MUTYH: variants seen among roughly 807,000 people sequenced by gnomAD.
MUTYH encodes mutY DNA glycosylase, also known as adenine DNA glycosylase.
A neutral mutation model predicts 72.9 loss-of-function variants in MUTYH; 64 were observed. The observed-to-expected ratio is 0.88, with a 90% CI of 0.72 to 1.08. The LOEUF is 1.08. MUTYH is among the 50% of genes least tolerant of loss of function. The pLI is 0.00. For synonymous variants in MUTYH, 234 were observed against 263.1 expected, an observed-to-expected ratio of 0.89 and a Z score of 1.07; for missense variants, 633 against 671.0, an observed-to-expected ratio of 0.94 and a Z score of 0.63.
intron 1 of MUTYH, 74 bp from the exon 2 acceptor site, chr1:45,334,585 C>G: frequency 1.3e-6 from 2 of 1,594,402 alleles, no homozygotes; most frequent in Non-Finnish European, 1.7e-6. Context: ...AGGGTGATAG[C>G]TATCTCCCTC....
chr1:45,333,698 T>A, intron 2 of MUTYH, 137 bp from the exon 3 acceptor site: 1 of 1,307,660 alleles, frequency 7.6e-7, no homozygotes, highest in South Asian at 1.5e-5. Context: ...GGAGCTGGAG[T>A]CAGACCAGAG....
chr1:45,334,257 G>T lies in MUTYH; in HGVS notation c.115+134C>A, dbSNP rs1054221657. ...ACCTGCCTCGGCCTCCCAAAGTGCTGGGATTACAGGTGTGAGCCACCGCAC... is the reference window on the plus strand; with the variant it reads ...ACCTGCCTCGGCCTCCCAAAGTGCTTGGATTACAGGTGTGAGCCACCGCAC... On this transcript the variant is annotated intron_variant, in intron 2 of 15. Coordinates refer to ENST00000456914, the MANE Select transcript of MUTYH (RefSeq NM_001048174.2). The T allele has an allele frequency of 5.1e-6, 7 of 1,370,736 alleles. No homozygotes were observed. In the African/African-American group the frequency reaches 8.6e-5, roughly 17 times the overall value. 84.9% of individuals were successfully genotyped at this position (1,370,736 alleles called of 1,614,324 possible). A position where few individuals can be genotyped will look rare whatever the true frequency, so the allele number is the denominator to read the frequency against.
At position 45,330,536 on chromosome 1, in the gene MUTYH, G is replaced by A. The variant is rs1644624908; in HGVS notation, c.1414C>T (p.Gln472Ter). The A allele has an allele frequency of 6.2e-7, 1 of 1,609,894 alleles. No homozygotes were observed. The highest frequency in any genetic ancestry group is 8.5e-7 in the Non-Finnish European group (1 of 1,177,904). Residue 472 changes from glutamine (Q) to a stop codon, truncating the protein, a stop_gained, in exon 15 of 16, where the codon CAA becomes TAA. Transcript: ENST00000456914. LOFTEE classifies it low-confidence loss of function (END_TRUNC). ...MKKVFRVYQGQQPGTCMGSKR... is the reference protein window; with the variant it reads ...MKKVFRVYQG ...CTTACCATACAGGTCCCTGGCTGTT[G>A]GCCCTGATACACACGGAAAACCTAG...
upstream of MUTYH, chr1:45,340,426 C>T (rs1646855130): frequency 6.6e-6 from 10 of 1,523,980 alleles, no homozygotes; most frequent in Non-Finnish European, 8.8e-6. Context: ...CCTGAACTAG[C>T]CACGAGGAGA....
intron 15 of MUTYH, chr1:45,330,218 G>A (rs1193330264): frequency 6.7e-4 from 213 of 317,552 alleles, no homozygotes; most frequent in Non-Finnish European, 9.7e-4. Flanking sequence ...GGGTGACAGT[G>A]AGACTGTCTC....
chr1:45,336,296 A>G (rs2149206611), intron 1 of MUTYH, among the ~76,000 whole-genome samples: 2 of 152,332 alleles, frequency 1.3e-5, no homozygotes, highest in Admixed American at 1.3e-4. Flanking sequence ...TTAGGCTTGC[A>G]ACATAGCAAG....
rs1264756448 is a variant in MUTYH, at chr1:45,339,959, C to A, written c.-67G>T. Reference sequence around the variant, plus strand: ...AGGCCCCGCGTTCCCGCCGCGAGAGCAGGAGAGAAAGATTACCTCCCGCGA... The same window carrying A: ...AGGCCCCGCGTTCCCGCCGCGAGAGAAGGAGAGAAAGATTACCTCCCGCGA... On this transcript the variant is annotated 5_prime_UTR_variant, in exon 1 of 16. Transcript: ENST00000456914. The A allele has an allele frequency of 1.3e-6, 2 of 1,509,918 alleles. No homozygotes were observed. The highest frequency in any genetic ancestry group is 2.0e-5 in the Admixed American group (1 of 50,358). 93.5% of individuals were successfully genotyped at this position (1,509,918 alleles called of 1,614,324 possible).
intron 1 of MUTYH, chr1:45,339,605 A>C (rs542719516): frequency 2.9e-6 from 1 of 345,848 alleles, no homozygotes; most frequent in East Asian, 8.2e-5. Context: ...CCATACTGCC[A>C]GCCTTAATTC....
rs1645162924 is a variant in MUTYH, at chr1:45,332,700, C to T, written c.493-13G>A. 6.2e-7 allele frequency: 1 copy of T among 1,614,122 alleles called. No homozygotes were observed. Among genetic ancestry groups the T allele is most frequent in the Non-Finnish European group, 8.5e-7 (1 of 1,179,970 alleles). On this transcript the variant is annotated splice_polypyrimidine_tract_variant and intron_variant, in intron 7 of 15. Coordinates refer to ENST00000456914, the MANE Select transcript of MUTYH (RefSeq NM_001048174.2). ...GCTCCTCTACCACCTGATTGGAGTG[C>T]AAGACTCAAGATTATAAGACACCCA...
In MUTYH at chr1:45,332,320, G is replaced by A. The variant is rs1570404440; in HGVS notation, c.705-10C>T. 11 of 1,614,064 alleles carry A rather than the reference G, an allele frequency of 6.8e-6. No homozygotes were observed. Among genetic ancestry groups the A allele is most frequent in the Non-Finnish European group, 9.3e-6 (11 of 1,179,998 alleles). On this transcript the variant is annotated splice_polypyrimidine_tract_variant and intron_variant, in intron 9 of 15. Coordinates refer to ENST00000456914, the MANE Select transcript of MUTYH (RefSeq NM_001048174.2). ...CTGCTGGGCTAGACCCCTAAAAGAAGGGAACACTGCTGTGAAGCAGAGCTC... is the reference window on the plus strand; with the variant it reads ...CTGCTGGGCTAGACCCCTAAAAGAAAGGAACACTGCTGTGAAGCAGAGCTC...
rs1644931388 is a variant in MUTYH at position 45,331,827 on chromosome 1, G to C, written c.936C>G (p.His312Gln). Residue 312 changes from histidine (H) to glutamine (Q), a missense_variant, in exon 12 of 16, where the codon CAC (histidine) becomes CAG (glutamine). By Grantham distance (24) the His-to-Gln change is conservative. Transcript: ENST00000456914. The stretch of plus-strand genomic sequence containing the variant: ...AGGGCTCCGAGGGAGGCAGGCACAG[G>C]TGGCACTGTCCAGTGTTGGGAGCTG... ...EECAPNTGQC[H>Q]LCLPPSEPWD... The C allele has an allele frequency of 1.2e-6, 2 of 1,607,614 alleles. No individual in the cohort carries two copies. Among genetic ancestry groups the C allele is most frequent in the Non-Finnish European group, 1.7e-6 (2 of 1,176,930 alleles).
intron 1 of MUTYH, chr1:45,338,448 T>C (rs966265037): frequency 2.5e-6 from 1 of 394,176 alleles, no homozygotes; most frequent in African/African-American, 2.0e-5. Flanking sequence ...TTGACTGAAA[T>C]GTCCAAATCA....
Position 45,329,460 on chromosome 1 carries a change from A to G in MUTYH, c.1435-23T>C, listed in dbSNP as rs762792774. ...ACCCTGTGAAAAAATGGAAGGAGGGAGGCCTTGTAGTTGGGGGAGGGGGAG... is the reference window on the plus strand; with the variant it reads ...ACCCTGTGAAAAAATGGAAGGAGGGGGGCCTTGTAGTTGGGGGAGGGGGAG... On this transcript the variant is annotated intron_variant, in intron 15 of 15. Coordinates refer to ENST00000456914, the MANE Select transcript of MUTYH (RefSeq NM_001048174.2). The G allele has an allele frequency of 5.0e-6, 8 of 1,613,244 alleles. No homozygotes were observed. The South Asian group carries it at 8.8e-5, about 18-fold the overall frequency.
intron 2 of MUTYH, 101 bp downstream of exon 2, chr1:45,334,290 T>G (rs1327703449): frequency 1.9e-6 from 3 of 1,569,134 alleles, no homozygotes; most frequent in East Asian, 4.6e-5. Context: ...CACCTGGCCC[T>G]TAGTAAGTCT....
chr1:45,337,956 G>A (rs1238226626), intron 1 of MUTYH, among the ~76,000 whole-genome samples: 2 of 152,012 alleles, frequency 1.3e-5, no homozygotes. Flanking sequence ...GACCAAGAGG[G>A]GAAAAAAAAG....
chr1:45,332,149 T>C lies in MUTYH; in HGVS notation c.849+17A>G. On this transcript the variant is annotated intron_variant, in intron 10 of 15. Coordinates refer to ENST00000456914, the MANE Select transcript of MUTYH (RefSeq NM_001048174.2). ...ACTCCTTAGGACTTCTCACTGCCCC[T>C]TCCCCAGTAGGCTTACTCTCTGGCG... The C allele has an allele frequency of 1.2e-6, 2 of 1,614,208 alleles. No individual in the cohort carries two copies. The highest frequency in any genetic ancestry group is 1.1e-5 in the South Asian group (1 of 91,088).
upstream of MUTYH, chr1:45,340,335 G>C (rs373902321): frequency 6.2e-7 from 1 of 1,601,490 alleles, no homozygotes; most frequent in East Asian, 2.3e-5. Context: ...AGCCTTCAAA[G>C]CCTCTGCGCT....
chr1:45,329,266 T>TA lies in MUTYH; in HGVS notation c.*39dup. ...ATAACTACAAAAATAAGCACTTTAC[T>TA]AACAACAGGATTCTCAGGGAATGGG... is the stretch of plus-strand genomic sequence containing the variant. On this transcript the variant is annotated 3_prime_UTR_variant, in exon 16 of 16. Coordinates refer to ENST00000456914, the MANE Select transcript of MUTYH (RefSeq NM_001048174.2). The TA allele has an allele frequency of 1.2e-6, 2 of 1,613,640 alleles. No individual in the cohort carries two copies. Among genetic ancestry groups the TA allele is most frequent in the Non-Finnish European group, 1.7e-6 (2 of 1,179,614 alleles).
At chr1:45,331,948 G>C (rs1644965130) in intron 11 of MUTYH, 75 bp downstream of exon 11, 2 of 1,612,164 alleles carry the variant, frequency 1.2e-6, no homozygotes, top group African/African-American at 1.3e-5. Flanking sequence ...TCTTACTCAG[G>C]TTAGAGGAAG....
Sources: allele counts gnomAD v4.1 joint callset (sites outside exome capture counted in the v4.1 genomes callset), GRCh38; gene constraint gnomAD v4.1.1; transcripts MANE v1.5; gene names NCBI Gene and HGNC (gene_info 2026-07-23, HGNC 2026-07-21).